CTNND2: variants seen among roughly 807,000 people sequenced by gnomAD.
The protein encoded by CTNND2 is catenin delta 2.
Under a neutral mutation model 144.4 loss-of-function variants are expected in CTNND2, and 22 were observed. The ratio of observed to expected loss-of-function variants is 0.15; its 90% CI spans 0.11 to 0.22. The LOEUF is 0.22. Among genes scored for constraint, CTNND2 ranks in the 10% least tolerant of loss-of-function variants. CTNND2 has a pLI of 1.00. For missense variants in CTNND2, 1,353 were observed against 1,618.8 expected, an observed-to-expected ratio of 0.84 and a Z score of 2.82; for synonymous variants, 751 against 695.6, an observed-to-expected ratio of 1.08 and a Z score of -1.25.
At chr5:11,799,339 T>C (rs1791560579) in intron 1 of CTNND2, among the ~76,000 whole-genome samples, 1 of 152,184 alleles carries the variant, frequency 6.6e-6, no homozygotes, top group Non-Finnish European at 1.5e-5. Flanking sequence ...ATTTACCACC[T>C]GCTTTCTTCC....
intron 11 of CTNND2, among the ~76,000 whole-genome samples, chr5:11,166,504 C>T (rs1401057730): frequency 1.3e-5 from 2 of 151,816 alleles, no homozygotes; most frequent in Non-Finnish European, 2.9e-5. Flanking sequence ...CCGCTTTGGC[C>T]TCCCAAAGTG....
At chr5:11,650,570 C>A (rs142569791) in intron 2 of CTNND2, among the ~76,000 whole-genome samples, 18 of 152,244 alleles carry the variant, frequency 1.2e-4, no homozygotes, top group African/African-American at 4.3e-4. Context: ...GTTGAACTTT[C>A]TAGAGATTTG....
intron 2 of CTNND2, among the ~76,000 whole-genome samples, chr5:11,574,322 A>C (rs955280485): frequency 3.3e-5 from 5 of 152,010 alleles, no homozygotes; most frequent in Non-Finnish European, 7.4e-5. Flanking sequence ...TAAGGTAGGC[A>C]TTTGATTGTC....
intron 9 of CTNND2, among the ~76,000 whole-genome samples, chr5:11,294,540 T>C (rs1249054479): frequency 6.6e-6 from 1 of 152,218 alleles, no homozygotes; most frequent in East Asian, 1.9e-4. Flanking sequence ...AAATATAGAA[T>C]GTTGGAAAAC....
At position 11,384,321 on chromosome 5, in the gene CTNND2, TCTGGATA is replaced by T. The variant is rs1758816091; in HGVS notation, c.1177+337_1177+343del. 6.6e-6 allele frequency among the ~76,000 whole-genome samples: 1 copy of T among 152,238 alleles called. No homozygotes were observed. The highest frequency in any genetic ancestry group is 1.5e-5 in the Non-Finnish European group (1 of 68,042). Reference sequence around the variant, plus strand: ...CAACTGTTACTTGTTTTGCTTTTTTTCTGGATACCATCAACAGGTCTATGGGATGCTT... The same window carrying T: ...CAACTGTTACTTGTTTTGCTTTTTTTCCATCAACAGGTCTATGGGATGCTT... On this transcript the variant is annotated intron_variant, in intron 7 of 21. Transcript: ENST00000304623. This position sits in a 1 kb window ranked among gnomAD's most constrained non-coding sequence, Gnocchi z 5.2.
intron 1 of CTNND2, among the ~76,000 whole-genome samples, chr5:11,816,223 C>T (rs983315407): frequency 1.3e-5 from 2 of 152,156 alleles, no homozygotes; most frequent in Non-Finnish European, 2.9e-5. Context: ...ACGTAAGCTC[C>T]TTTCTTTGGT....
At chr5:11,640,690 T>A (rs2126500700) in intron 2 of CTNND2, among the ~76,000 whole-genome samples, 1 of 152,252 alleles carries the variant, frequency 6.6e-6, no homozygotes, top group African/African-American at 2.4e-5. Flanking sequence ...GTGGCATGAG[T>A]CACATGACAC....
chr5:11,241,333 G>T (rs1332578060), intron 9 of CTNND2, among the ~76,000 whole-genome samples: 1 of 152,184 alleles, frequency 6.6e-6, no homozygotes, highest in East Asian at 1.9e-4. Context: ...TTTATGGGGA[G>T]CAACTCTGGG....
intron 2 of CTNND2, among the ~76,000 whole-genome samples, chr5:11,666,540 G>C (rs1268168051): frequency 6.6e-6 from 1 of 152,172 alleles, no homozygotes; most frequent in African/African-American, 2.4e-5. Context: ...AATATGTTTG[G>C]ATAAAAGTAA....
chr5:10,988,504 A>G lies in CTNND2; in HGVS notation c.3212-262T>C, dbSNP rs995092225. ...CAACTGGGGACCACATCCTGGGGCC[A>G]TCTTCCTCAGAGAGAGATCATGGAG... On this transcript the variant is annotated intron_variant, in intron 19 of 21. Transcript: ENST00000304623. The surrounding 1 kb of genome is among the most constrained non-coding windows in gnomAD (Gnocchi z 5.9). Among the ~76,000 whole-genome samples, 16 of 152,152 alleles carry G rather than the reference A, an allele frequency of 1.1e-4. No individual in the cohort carries two copies. Among genetic ancestry groups the G allele is most frequent in the African/African-American group, 3.9e-4 (16 of 41,434 alleles).
intron 9 of CTNND2, among the ~76,000 whole-genome samples, chr5:11,299,047 A>G (rs775028956): frequency 1.3e-5 from 2 of 152,152 alleles, no homozygotes; most frequent in South Asian, 2.1e-4. Flanking sequence ...CTCACTCTGG[A>G]TATGAGTTAC....
chr5:11,391,423 T>C (rs1473967485), intron 6 of CTNND2, among the ~76,000 whole-genome samples: 1 of 152,174 alleles, frequency 6.6e-6, no homozygotes, highest in Non-Finnish European at 1.5e-5. Context: ...CTTACAGTCA[T>C]ATTTAGTACT....
rs61755471 is a variant in CTNND2, at chr5:11,439,503, G to A, written c.288-27434C>T. ...TGTGAATAGTTTCTTATTAATAGTT[G>A]GAGTTATAGTCGGAGTTATAGTCCA... On this transcript the variant is annotated intron_variant, in intron 3 of 21. Transcript: ENST00000304623. Among the ~76,000 whole-genome samples the A allele has an allele frequency of 7.8e-3, 1,182 of 152,218 alleles. 59 individuals are homozygous for A. In the East Asian group the frequency reaches 0.13, roughly 17 times the overall value.
At chr5:11,689,269 G>T (rs912395870) in intron 2 of CTNND2, among the ~76,000 whole-genome samples, 1 of 152,094 alleles carries the variant, frequency 6.6e-6, no homozygotes, top group African/African-American at 2.4e-5. Context: ...GCAAAAATGG[G>T]AATGATGGTG....
intron 2 of CTNND2, among the ~76,000 whole-genome samples, chr5:11,682,623 T>G (rs57661378): frequency 0.012 from 1,799 of 152,298 alleles, 27 homozygotes; most frequent in African/African-American, 0.042. Context: ...ACATAAATCA[T>G]AATACATTTC....
At chr5:11,417,528 A>C (rs1762023159) in intron 3 of CTNND2, among the ~76,000 whole-genome samples, 1 of 148,628 alleles carries the variant, frequency 6.7e-6, no homozygotes, top group Admixed American at 6.6e-5. Context: ...GGTGCACAGC[A>C]AAAAAACAAA....
chr5:11,541,842 C>A (rs977790716), intron 3 of CTNND2, among the ~76,000 whole-genome samples: 10 of 140,942 alleles, frequency 7.1e-5, no homozygotes, highest in African/African-American at 1.9e-4. Flanking sequence ...TTATCGACCC[C>A]CCCCCCCCGG....
intron 9 of CTNND2, among the ~76,000 whole-genome samples, chr5:11,253,633 G>A (rs562922787): frequency 1.3e-5 from 2 of 152,060 alleles, no homozygotes; most frequent in East Asian, 1.9e-4. Context: ...CCCAGTCTTG[G>A]GTATGTCTTT....
chr5:11,305,532 T>C (rs1238345608), intron 9 of CTNND2, among the ~76,000 whole-genome samples: 1 of 152,164 alleles, frequency 6.6e-6, no homozygotes, highest in East Asian at 1.9e-4. Context: ...TATTGAATTG[T>C]TTATGCATCT....
Sources: allele counts gnomAD v4.1 joint callset (sites outside exome capture counted in the v4.1 genomes callset), GRCh38; gene constraint gnomAD v4.1.1; non-coding constraint Gnocchi (gnomAD v3.1); transcripts MANE v1.5; gene names NCBI Gene and HGNC (gene_info 2026-07-23, HGNC 2026-07-21).